Variants in POLN observed in about 807,000 individuals in gnomAD.
POLN encodes the protein DNA polymerase nu.
A neutral mutation model predicts 113.5 loss-of-function variants in POLN; 108 were observed. That is an observed-to-expected ratio of 0.95 (90% CI 0.81 to 1.12). POLN has a LOEUF of 1.12. POLN is among the 50% of genes most tolerant of loss of function. The probability of loss-of-function intolerance (pLI) is 0.00; values close to 1 mark genes in which losing one functional copy is unlikely to be tolerated. For synonymous variants in POLN, 386 were observed against 391.5 expected (o/e 0.99, Z 0.17); for missense variants, 1,097 against 1,077.1 (o/e 1.02, Z -0.26).
intron 19 of POLN, among the ~76,000 whole-genome samples, chr4:2,124,486 C>T (rs1447111166): frequency 6.6e-6 from 1 of 152,034 alleles, no homozygotes; most frequent in African/African-American, 2.4e-5. Flanking sequence ...GCCATGTTGC[C>T]CAGGCTGGTC....
At chr4:2,232,015 T>C (rs1337121435) in intron 2 of POLN, 2 of 1,508,100 alleles carry the variant, frequency 1.3e-6, no homozygotes, top group Non-Finnish European at 1.8e-6. Context: ...TTTTAAAAAA[T>C]ATACATAGAA....
chr4:2,150,394 C>T (rs1476713220), intron 16 of POLN, among the ~76,000 whole-genome samples: 1 of 151,946 alleles, frequency 6.6e-6, no homozygotes, highest in Non-Finnish European at 1.5e-5. Flanking sequence ...AATAAAGTGG[C>T]CAATTCTCCC....
chr4:2,199,575 C>G (rs926553438), intron 5 of POLN, among the ~76,000 whole-genome samples: 1 of 151,960 alleles, frequency 6.6e-6, no homozygotes, highest in Non-Finnish European at 1.5e-5. Flanking sequence ...TATATATATA[C>G]TTTTATTTTA....
intron 2 of POLN, among the ~76,000 whole-genome samples, chr4:2,237,425 G>T (rs548296212): frequency 6.6e-6 from 1 of 151,520 alleles, no homozygotes; most frequent in Admixed American, 6.6e-5. Flanking sequence ...AAGAGAGTGA[G>T]ACCTTGTCTT....
intron 6 of POLN, among the ~76,000 whole-genome samples, chr4:2,195,144 G>A (rs1733543385): frequency 6.6e-6 from 1 of 152,002 alleles, no homozygotes; most frequent in African/African-American, 2.4e-5. Flanking sequence ...ATTTAAATGT[G>A]ATTTATTTAA....
chr4:2,083,757 G>A (rs777040430), intron 21 of POLN, among the ~76,000 whole-genome samples: 8 of 152,254 alleles, frequency 5.3e-5, no homozygotes, highest in African/African-American at 1.4e-4. Context: ...AGGAAAATCC[G>A]CATTAAATGA....
intron 6 of POLN, among the ~76,000 whole-genome samples, chr4:2,193,933 A>G (rs892615585): frequency 6.6e-6 from 1 of 152,286 alleles, no homozygotes; most frequent in East Asian, 1.9e-4. Flanking sequence ...GCTGTATTAT[A>G]ATGTGCCTTG....
intron 19 of POLN, among the ~76,000 whole-genome samples, chr4:2,105,164 AC>A (rs1731032124): frequency 6.6e-6 from 1 of 151,906 alleles, no homozygotes; most frequent in South Asian, 2.1e-4. Context: ...AAAGCACACC[AC>A]CCACCCTGCT....
At position 2,072,084 on chromosome 4, in the gene POLN, C is replaced by G. The variant is rs1730156865; in HGVS notation, c.*30G>C. ...AGGCCACACAATGGACTGCTGGAAA[C>G]CAGTTCTCTCCTCCCACTGTTGCCT... On this transcript the variant is annotated 3_prime_UTR_variant, in exon 26 of 26. Coordinates refer to ENST00000511885, the MANE Select transcript of POLN (RefSeq NM_181808.4). The G allele has an allele frequency of 6.2e-7, 1 of 1,611,018 alleles. No individual in the cohort carries two copies. The highest frequency in any genetic ancestry group is 1.7e-5 in the Admixed American group (1 of 59,994).
At chr4:2,223,865 T>G (rs1734321639) in intron 3 of POLN, among the ~76,000 whole-genome samples, 2 of 152,160 alleles carry the variant, frequency 1.3e-5, no homozygotes, top group Admixed American at 6.5e-5. Flanking sequence ...AATCAGTGAG[T>G]GGGGAGTAAG....
chr4:2,217,565 A>G (rs1429505040), intron 3 of POLN, among the ~76,000 whole-genome samples: 1 of 152,112 alleles, frequency 6.6e-6, no homozygotes, highest in Non-Finnish European at 1.5e-5. Context: ...GCTCATGGTC[A>G]CTTGATGTCA....
At chr4:2,120,525 G>A (rs933267254) in intron 19 of POLN, among the ~76,000 whole-genome samples, 6 of 150,784 alleles carry the variant, frequency 4.0e-5, no homozygotes, top group African/African-American at 9.8e-5. Flanking sequence ...ACAGAGTCTC[G>A]CTCTGTCACC....
At chr4:2,139,086 A>G (rs1366468386) in intron 16 of POLN, among the ~76,000 whole-genome samples, 2 of 152,280 alleles carry the variant, frequency 1.3e-5, no homozygotes, top group Non-Finnish European at 2.9e-5. Context: ...CCTTGACCAC[A>G]ACAAATGGGC....
chr4:2,236,899 A>G (rs570795170), intron 2 of POLN, among the ~76,000 whole-genome samples: 1 of 149,316 alleles, frequency 6.7e-6, no homozygotes, highest in Non-Finnish European at 1.5e-5. Context: ...TATAATAATA[A>G]TATTATTATT....
At chr4:2,240,273 C>T (rs1377802003) in intron 2 of POLN, 1 of 1,613,564 alleles carries the variant, frequency 6.2e-7, no homozygotes, top group South Asian at 1.1e-5. Flanking sequence ...TTCATGTATA[C>T]CCTGAAAGAA....
At chr4:2,081,839 G>A in intron 21 of POLN, 96 bp from the exon 22 acceptor site, 1 of 1,006,390 alleles carries the variant, frequency 9.9e-7, no homozygotes, top group Non-Finnish European at 1.5e-6. Context: ...CAGAGGGACA[G>A]CCGCACTGCA....
chr4:2,196,725 C>G (rs550037640), intron 6 of POLN, among the ~76,000 whole-genome samples: 2 of 152,136 alleles, frequency 1.3e-5, no homozygotes, highest in South Asian at 4.2e-4. Flanking sequence ...GTCCTCTCCC[C>G]CTTCCCCAGG....
chr4:2,115,362 C>T lies in POLN; in HGVS notation c.1982+12751G>A, dbSNP rs1577701486. Among the ~76,000 whole-genome samples, 3 of 152,020 alleles carry T rather than the reference C, an allele frequency of 2.0e-5. No individual in the cohort carries two copies. In the East Asian group the frequency reaches 5.8e-4, roughly 29 times the overall value. On this transcript the variant is annotated intron_variant, in intron 19 of 25. Coordinates refer to ENST00000511885, the MANE Select transcript of POLN (RefSeq NM_181808.4). ...GGATTACAGGCATGAGCCACTGTGC[C>T]CGGCCTCTTTTTTGATGTAGTATTT...
At chr4:2,193,400 C>T (rs1188107594) in intron 6 of POLN, 84 bp from the exon 7 acceptor site, 4 of 822,190 alleles carry the variant, frequency 4.9e-6, no homozygotes, top group African/African-American at 1.8e-5. Context: ...ACTCAACTAA[C>T]AGCTATCACT....
Sources: gnomAD v4.1 joint callset for allele counts (sites outside exome capture counted in the v4.1 genomes callset) on GRCh38, gnomAD v4.1.1 for gene constraint, MANE v1.5 for transcripts, NCBI Gene and HGNC (gene_info 2026-07-23, HGNC 2026-07-21) for gene names.